NRXN1: variants seen among roughly 807,000 people sequenced by gnomAD.
The protein encoded by NRXN1 is neurexin 1.
In NRXN1, 39 loss-of-function variants were observed where a neutral mutation model predicts 150.9. That is an observed-to-expected ratio of 0.26 (90% CI 0.20 to 0.34). The LOEUF is 0.34. NRXN1 is among the 10% of genes least tolerant of loss of function. NRXN1 has a pLI of 1.00. For synonymous variants in NRXN1, 924 were observed against 757.0 expected, an observed-to-expected ratio of 1.22 and a Z score of -3.62; for missense variants, 1,815 against 1,949.9, an observed-to-expected ratio of 0.93 and a Z score of 1.30.
At chr2:50,079,022 C>CA (rs1200778338) in intron 19 of NRXN1, among the ~76,000 whole-genome samples, 2 of 152,060 alleles carry the variant, frequency 1.3e-5, no homozygotes, top group African/African-American at 4.8e-5. Context: ...CATCCTTCTA[C>CA]ATTATTAATT....
intron 2 of NRXN1, among the ~76,000 whole-genome samples, chr2:50,975,728 C>T (rs1044837357): frequency 1.4e-4 from 22 of 152,152 alleles, no homozygotes; most frequent in African/African-American, 4.8e-4. Flanking sequence ...CTTGAATTCA[C>T]ACGGGAATGC....
intron 17 of NRXN1, among the ~76,000 whole-genome samples, chr2:50,309,817 G>C (rs992937657): frequency 6.6e-6 from 1 of 152,080 alleles, no homozygotes. Flanking sequence ...ACACTACAGA[G>C]ATGTCCTGAG....
intron 17 of NRXN1, among the ~76,000 whole-genome samples, chr2:50,359,289 G>A (rs1310979770): frequency 6.6e-6 from 1 of 151,812 alleles, no homozygotes; most frequent in Admixed American, 6.6e-5. Flanking sequence ...GCTTCAGAAG[G>A]TGGGTAATAA....
intron 17 of NRXN1, among the ~76,000 whole-genome samples, chr2:50,375,692 C>A: frequency 6.6e-6 from 1 of 150,850 alleles, no homozygotes; most frequent in Non-Finnish European, 1.5e-5. Flanking sequence ...CAAACTGAAG[C>A]CTATAGAACT....
intron 15 of NRXN1, among the ~76,000 whole-genome samples, chr2:50,494,734 A>C (rs1438288815): frequency 1.3e-5 from 2 of 152,172 alleles, no homozygotes; most frequent in Non-Finnish European, 2.9e-5. Context: ...ATTTTTCTCT[A>C]GAAAGAGTTC....
chr2:50,277,160 A>G (rs1340950823), intron 17 of NRXN1, among the ~76,000 whole-genome samples: 1 of 152,232 alleles, frequency 6.6e-6, no homozygotes, highest in Non-Finnish European at 1.5e-5. Flanking sequence ...CAACAAAAAA[A>G]GCCTAACATT....
At chr2:50,339,597 A>G (rs2077417621) in intron 17 of NRXN1, among the ~76,000 whole-genome samples, 1 of 152,200 alleles carries the variant, frequency 6.6e-6, no homozygotes, top group African/African-American at 2.4e-5. Flanking sequence ...ATCTACTTGT[A>G]TATTTAGTGA....
intron 17 of NRXN1, among the ~76,000 whole-genome samples, chr2:50,326,305 T>C (rs185940297): frequency 2.0e-3 from 300 of 152,342 alleles, no homozygotes; most frequent in African/African-American, 6.9e-3. Context: ...CCTTAAGTGA[T>C]AAATTTTCCT....
At position 50,528,636 on chromosome 2, in the gene NRXN1, T is replaced by A. The variant is rs2105187564; in HGVS notation, c.2363A>T (p.Asn788Ile). 1 of 1,549,354 alleles carries A rather than the reference T, an allele frequency of 6.5e-7. No individual in the cohort carries two copies. The highest frequency in any genetic ancestry group is 8.9e-7 in the Non-Finnish European group (1 of 1,128,036). Residue 788 changes from asparagine (N) to isoleucine (I), a missense_variant, in exon 12 of 23, where the codon AAC (asparagine) becomes ATC (isoleucine). Around this residue, in one of 6 missense-constraint regions of NRXN1, gnomAD observed 638 missense variants for 652.6 expected, o/e 0.98. Coordinates refer to ENST00000401669, the MANE Select transcript of NRXN1 (RefSeq NM_001330078.2). The stretch of plus-strand genomic sequence containing the variant: ...GAATAGGCACTTACTGGAATTACAG[T>A]TAATCCTGATACAATCTAGATGGGG... ...LTVNLDCIRINCNSSKGPETL... is the reference protein window; with the variant it reads ...LTVNLDCIRIICNSSKGPETL...
At chr2:50,685,879 A>G (rs1559474) in intron 5 of NRXN1, among the ~76,000 whole-genome samples, 127,404 of 152,002 alleles carry the variant, frequency 0.84, 53,955 homozygotes, top group African/African-American at 0.95. Flanking sequence ...ATATCATCAG[A>G]GCCTGCATAC....
intron 17 of NRXN1, among the ~76,000 whole-genome samples, chr2:50,319,983 G>T (rs150373354): frequency 6.6e-6 from 1 of 151,804 alleles, no homozygotes; most frequent in African/African-American, 2.4e-5. Context: ...AGAGGGTAAA[G>T]CACTATAGCA....
At chr2:50,338,016 C>A (rs1282289563) in intron 17 of NRXN1, among the ~76,000 whole-genome samples, 1 of 152,178 alleles carries the variant, frequency 6.6e-6, no homozygotes, top group Non-Finnish European at 1.5e-5. Context: ...AAAACGTTAT[C>A]CACTAGCATC....
At chr2:50,914,868 T>C (rs958576879) in intron 5 of NRXN1, among the ~76,000 whole-genome samples, 15 of 151,632 alleles carry the variant, frequency 9.9e-5, no homozygotes, top group South Asian at 4.1e-4. Flanking sequence ...CAAGAATTTA[T>C]TGAGTATCTA....
intron 2 of NRXN1, among the ~76,000 whole-genome samples, chr2:50,998,577 C>T (rs1409570623): frequency 1.3e-5 from 2 of 151,950 alleles, no homozygotes; most frequent in Non-Finnish European, 2.9e-5. Context: ...TACAGAAATC[C>T]TATTAAGCAT....
At chr2:50,344,496 C>A (rs13031960) in intron 17 of NRXN1, among the ~76,000 whole-genome samples, 2 of 152,122 alleles carry the variant, frequency 1.3e-5, no homozygotes, top group Non-Finnish European at 2.9e-5. Flanking sequence ...ACAGAACCTT[C>A]GAAGGAAACA....
chr2:50,051,044 A>C (rs2152620886), intron 21 of NRXN1, among the ~76,000 whole-genome samples: 1 of 152,098 alleles, frequency 6.6e-6, no homozygotes, highest in Non-Finnish European at 1.5e-5. Flanking sequence ...GTATTCACTA[A>C]TTAATTAGAT....
intron 2 of NRXN1, among the ~76,000 whole-genome samples, chr2:50,982,046 T>G (rs1177830164): frequency 2.6e-5 from 4 of 152,110 alleles, no homozygotes; most frequent in African/African-American, 7.2e-5. Flanking sequence ...GCTTCCATCA[T>G]TCATCTTAAT....
chr2:50,550,649 A>C (rs890195834), intron 9 of NRXN1, among the ~76,000 whole-genome samples: 1 of 151,278 alleles, frequency 6.6e-6, no homozygotes, highest in Non-Finnish European at 1.5e-5. Context: ...ATTCCCATCA[A>C]TGAACTCTTC....
intron 18 of NRXN1, among the ~76,000 whole-genome samples, chr2:50,219,936 TTATATATTATATATATAA>T (rs1559115167): frequency 5.3e-5 from 5 of 93,804 alleles, no homozygotes; most frequent in African/African-American, 1.0e-4. Flanking sequence ...ATTATATATA[TTATATATTATATATATAA>T]TATATATATT....
Sources: gnomAD v4.1 joint callset for allele counts (sites outside exome capture counted in the v4.1 genomes callset) on GRCh38, gnomAD v4.1.1 for gene constraint, gnomAD v4.1.1 regional missense constraint, MANE v1.5 for transcripts, NCBI Gene and HGNC (gene_info 2026-07-23, HGNC 2026-07-21) for gene names.